Variants in STPG2 observed in about 807,000 individuals in gnomAD.
STPG2 encodes sperm-tail PG-rich repeat-containing protein 2.
In STPG2, 56 loss-of-function variants were observed where a neutral mutation model predicts 54.2. The ratio of observed to expected loss-of-function variants is 1.03; its 90% CI spans 0.83 to 1.29. STPG2 has a LOEUF of 1.29. STPG2 is among the 50% of genes most tolerant of loss of function. The pLI, the probability that STPG2 is intolerant of heterozygous loss-of-function variation, is 0.00. For synonymous variants in STPG2, 200 were observed against 181.8 expected, an observed-to-expected ratio of 1.10 and a Z score of -0.81; for missense variants, 596 against 544.9, an observed-to-expected ratio of 1.09 and a Z score of -0.93.
intron 8 of STPG2, among the ~76,000 whole-genome samples, chr4:97,929,529 C>T (rs1367271372): frequency 2.0e-5 from 3 of 152,182 alleles, no homozygotes; most frequent in South Asian, 2.1e-4. Context: ...TGCAACCTCA[C>T]TAGAATCTTT....
chr4:98,135,387 T>C (rs1441770484), intron 1 of STPG2, among the ~76,000 whole-genome samples: 4 of 151,824 alleles, frequency 2.6e-5, no homozygotes, highest in Non-Finnish European at 5.9e-5. Flanking sequence ...AATTATTTAT[T>C]TGTGTTAGGT....
chr4:97,576,454 T>C (rs1472317353), intron 10 of STPG2, among the ~76,000 whole-genome samples: 2 of 151,520 alleles, frequency 1.3e-5, no homozygotes, highest in African/African-American at 4.8e-5. Context: ...AACCCAGAAA[T>C]AAAGCCACAC....
intron 9 of STPG2, among the ~76,000 whole-genome samples, chr4:97,821,303 T>G (rs1728083533): frequency 6.6e-6 from 1 of 152,142 alleles, no homozygotes; most frequent in Non-Finnish European, 1.5e-5. Context: ...ATATCCTAAA[T>G]CCAGGGCAAA....
At chr4:97,703,642 A>T (rs1723851569) in intron 10 of STPG2, among the ~76,000 whole-genome samples, 1 of 139,406 alleles carries the variant, frequency 7.2e-6, no homozygotes. Context: ...ATATATAAAT[A>T]AAACATATAT....
At chr4:97,552,492 A>G (rs1421858968) in intron 4 of STPG2, among the ~76,000 whole-genome samples, 1 of 152,120 alleles carries the variant, frequency 6.6e-6, no homozygotes, top group Non-Finnish European at 1.5e-5. Flanking sequence ...CTAATTTCTA[A>G]GTAATACTTT....
At chr4:97,583,116 G>C (rs751095627) in intron 10 of STPG2, among the ~76,000 whole-genome samples, 1 of 151,950 alleles carries the variant, frequency 6.6e-6, no homozygotes, top group African/African-American at 2.4e-5. Flanking sequence ...GATTTCAGCT[G>C]TCATGGTTTC....
In STPG2 at chr4:98,132,039, T is replaced by C. The variant is rs12510075; in HGVS notation, c.222+2308A>G. Among the ~76,000 whole-genome samples, 1,421 of 152,206 alleles carry C rather than the reference T, an allele frequency of 9.3e-3. 70 individuals are homozygous for C. Among genetic ancestry groups the C allele is most frequent in the Admixed American group, 0.084 (1,278 of 15,298 alleles). ...CAGCTACCTATTTGTCTACCTCCCA[T>C]ATAAATTTTAAGCTTTTTTACTTCA... On this transcript the variant is annotated intron_variant, in intron 2 of 10. Transcript: ENST00000295268.
chr4:97,926,066 G>C (rs554226482), intron 8 of STPG2, among the ~76,000 whole-genome samples: 1 of 152,078 alleles, frequency 6.6e-6, no homozygotes, highest in South Asian at 2.1e-4. Context: ...TCTGTCTTCT[G>C]ACTAGATCCT....
At chr4:97,921,478 A>G (rs1267276349) in intron 8 of STPG2, among the ~76,000 whole-genome samples, 1 of 152,112 alleles carries the variant, frequency 6.6e-6, no homozygotes, top group African/African-American at 2.4e-5. Flanking sequence ...AAAGAACCCA[A>G]AAAGAAATTC....
intron 4 of STPG2, among the ~76,000 whole-genome samples, chr4:97,446,326 A>G (rs1729220958): frequency 6.6e-6 from 1 of 152,228 alleles, no homozygotes; most frequent in Non-Finnish European, 1.5e-5. Flanking sequence ...CTCTAGAGGA[A>G]CACAGATTGT....
chr4:98,044,329 C>CT (rs1737060655), intron 5 of STPG2, among the ~76,000 whole-genome samples: 1 of 152,152 alleles, frequency 6.6e-6, no homozygotes, highest in South Asian at 2.1e-4. Context: ...TTCATCTCAA[C>CT]TTTAAAAATT....
chr4:98,052,343 T>C (rs1244026592), intron 5 of STPG2, among the ~76,000 whole-genome samples: 2 of 152,192 alleles, frequency 1.3e-5, no homozygotes, highest in African/African-American at 2.4e-5. Flanking sequence ...ATTCACTAAC[T>C]TTAGTCTTGT....
intron 9 of STPG2, among the ~76,000 whole-genome samples, chr4:97,765,841 A>G (rs1017602302): frequency 6.6e-6 from 1 of 152,206 alleles, no homozygotes; most frequent in African/African-American, 2.4e-5. Flanking sequence ...ATGTGGAGAC[A>G]TTGTAATACC....
intron 10 of STPG2, among the ~76,000 whole-genome samples, chr4:97,559,776 A>C (rs1732176624): frequency 1.3e-5 from 2 of 152,176 alleles, no homozygotes; most frequent in Non-Finnish European, 2.9e-5. Flanking sequence ...TCTTACCTGT[A>C]AGTATTCTAT....
At chr4:97,862,566 G>A (rs1304410617) in intron 8 of STPG2, among the ~76,000 whole-genome samples, 2 of 152,000 alleles carry the variant, frequency 1.3e-5, no homozygotes, top group Admixed American at 1.3e-4. Context: ...GGATATCCAG[G>A]AATTGAATTC....
intron 9 of STPG2, among the ~76,000 whole-genome samples, chr4:97,813,677 T>TAAAAAAAAAA (rs869298230): frequency 1.5e-4 from 7 of 45,944 alleles, no homozygotes; most frequent in East Asian, 4.1e-4. Context: ...CCCTGTCTCT[T>TAAAAAAAAAA]AAAAAAAAAA....
chr4:97,503,617 T>C (rs997698284), intron 4 of STPG2, among the ~76,000 whole-genome samples: 1 of 151,342 alleles, frequency 6.6e-6, no homozygotes, highest in African/African-American at 2.4e-5. Flanking sequence ...TAAAATGGAA[T>C]TTGTAATTCT....
chr4:97,907,833 G>A (rs1731503258), intron 8 of STPG2, among the ~76,000 whole-genome samples: 1 of 152,070 alleles, frequency 6.6e-6, no homozygotes, highest in African/African-American at 2.4e-5. Context: ...AGCTGAAACT[G>A]GATCCCTTCC....
chr4:97,783,402 G>C (rs555045412), intron 9 of STPG2, among the ~76,000 whole-genome samples: 23 of 152,110 alleles, frequency 1.5e-4, no homozygotes, highest in African/African-American at 5.6e-4. Context: ...TTAGAATGGC[G>C]ATCATTAAAA....
Sources: allele counts gnomAD v4.1 joint callset (sites outside exome capture counted in the v4.1 genomes callset), GRCh38; gene constraint gnomAD v4.1.1; transcripts MANE v1.5; gene names NCBI Gene and HGNC (gene_info 2026-07-23, HGNC 2026-07-21).